WWOX: variants seen among roughly 807,000 people sequenced by gnomAD.
WWOX encodes the protein WW domain containing oxidoreductase.
Under a neutral mutation model 46.2 loss-of-function variants are expected in WWOX, and 69 were observed. The ratio of observed to expected loss-of-function variants is 1.49; its 90% CI spans 1.23 to 1.82. The LOEUF (loss-of-function observed/expected upper bound fraction) is 1.82. Ranked by LOEUF, WWOX falls within the 40% of genes most tolerant of loss-of-function variation. The pLI is 0.00. For missense variants in WWOX, 919 were observed against 542.6 expected (o/e 1.69, Z -6.89); for synonymous variants, 359 against 202.6 (o/e 1.77, Z -6.56).
intron 8 of WWOX, among the ~76,000 whole-genome samples, chr16:79,037,989 G>A (rs141618156): frequency 2.6e-5 from 4 of 151,924 alleles, no homozygotes; most frequent in Admixed American, 2.0e-4. Context: ...GAAAAAGCTC[G>A]TTAACACATG....
At chr16:78,118,045 CTT>C (rs34141728) in intron 4 of WWOX, among the ~76,000 whole-genome samples, 6 of 138,416 alleles carry the variant, frequency 4.3e-5, no homozygotes, top group African/African-American at 7.9e-5. Flanking sequence ...TTCTTTCTTT[CTT>C]TTTTTTTTTT....
intron 8 of WWOX, among the ~76,000 whole-genome samples, chr16:78,733,611 C>G (rs1221997392): frequency 1.3e-5 from 2 of 151,278 alleles, no homozygotes; most frequent in African/African-American, 4.9e-5. Context: ...AAAAATTAGC[C>G]GGGTATGGTG....
At chr16:79,045,543 C>T (rs888622154) in intron 8 of WWOX, among the ~76,000 whole-genome samples, 2 of 152,144 alleles carry the variant, frequency 1.3e-5, no homozygotes, top group Non-Finnish European at 1.5e-5. Flanking sequence ...TTCCTAGTCT[C>T]ATTTTCCCAA....
intron 8 of WWOX, among the ~76,000 whole-genome samples, chr16:78,444,864 A>C (rs1201617496): frequency 6.6e-6 from 1 of 152,062 alleles, no homozygotes; most frequent in African/African-American, 2.4e-5. Context: ...AATATATTTG[A>C]CTTCAGGGAG....
intron 8 of WWOX, among the ~76,000 whole-genome samples, chr16:79,142,004 G>C (rs1338763577): frequency 6.6e-6 from 1 of 152,210 alleles, no homozygotes; most frequent in Non-Finnish European, 1.5e-5. Context: ...AAACTGCTCA[G>C]AAAAGAGCAG....
chr16:78,330,713 C>T (rs142581641), intron 5 of WWOX, among the ~76,000 whole-genome samples: 52 of 152,288 alleles, frequency 3.4e-4, no homozygotes, highest in African/African-American at 1.2e-3. Flanking sequence ...CATTTCTATG[C>T]AACTATATGT....
chr16:79,177,265 C>T (rs1260324335), intron 8 of WWOX, among the ~76,000 whole-genome samples: 1 of 152,190 alleles, frequency 6.6e-6, no homozygotes, highest in Non-Finnish European at 1.5e-5. Context: ...TGAAAAGCGA[C>T]TGTCATTTCT....
At chr16:78,933,634 G>T (rs1253581144) in intron 8 of WWOX, among the ~76,000 whole-genome samples, 1 of 152,134 alleles carries the variant, frequency 6.6e-6, no homozygotes, top group East Asian at 1.9e-4. Flanking sequence ...GAAGTTTATT[G>T]GACTTACAGT....
At chr16:78,406,307 TA>T (rs1475337633) in intron 6 of WWOX, among the ~76,000 whole-genome samples, 1 of 16,406 alleles carries the variant, frequency 6.1e-5, no homozygotes, top group Non-Finnish European at 9.6e-5. Context: ...AATATAAATA[TA>T]TATATATATA....
At chr16:78,141,541 A>G (rs567912435) in intron 4 of WWOX, among the ~76,000 whole-genome samples, 3 of 151,150 alleles carry the variant, frequency 2.0e-5, no homozygotes, top group Non-Finnish European at 2.9e-5. Flanking sequence ...TTTGTGTACA[A>G]TTTTGTAGGG....
chr16:78,969,755 C>A (rs1235044491), intron 8 of WWOX, among the ~76,000 whole-genome samples: 1 of 152,138 alleles, frequency 6.6e-6, no homozygotes, highest in Admixed American at 6.5e-5. Flanking sequence ...ACAAAGGACC[C>A]TATGTTATAT....
intron 8 of WWOX, among the ~76,000 whole-genome samples, chr16:78,876,657 C>T (rs1453549758): frequency 6.6e-6 from 1 of 152,256 alleles, no homozygotes; most frequent in East Asian, 1.9e-4. Flanking sequence ...GGCAGAAGTT[C>T]TGGCTATTAA....
At chr16:78,350,082 T>C (rs887522498) in intron 5 of WWOX, among the ~76,000 whole-genome samples, 3 of 121,170 alleles carry the variant, frequency 2.5e-5, no homozygotes, top group African/African-American at 8.4e-5. Flanking sequence ...TTTGACCATG[T>C]CACTTAAGTT....
In WWOX at chr16:78,816,502, CTTTTTTTTTTTT is replaced by C. The variant is rs55814418; in HGVS notation, c.1056+383769_1056+383780del. On this transcript the variant is annotated intron_variant, in intron 8 of 8. Transcript: ENST00000566780. ...ATCTACCAGACAAGAAGGAGCCACT[CTTTTTTTTTTTT>C]TTTTTTTTTTTTTTTTTTGATACAA... is the stretch of plus-strand genomic sequence containing the variant. Among the ~76,000 whole-genome samples the C allele has an allele frequency of 4.3e-3, 183 of 42,102 alleles. 7 individuals carry two copies. In the South Asian group the frequency reaches 0.16, roughly 37 times the overall value. 27.6% of individuals were successfully genotyped at this position (42,102 alleles called of 152,430 possible). A position where few individuals can be genotyped will look rare whatever the true frequency, so the allele number is the denominator to read the frequency against.
chr16:78,531,712 T>C (rs1273098766), intron 8 of WWOX, among the ~76,000 whole-genome samples: 2 of 151,878 alleles, frequency 1.3e-5, no homozygotes, highest in Non-Finnish European at 2.9e-5. Flanking sequence ...TATTTTGGGA[T>C]TCGGTTTAGG....
intron 8 of WWOX, among the ~76,000 whole-genome samples, chr16:78,790,105 C>T (rs141890062): frequency 2.8e-4 from 42 of 152,150 alleles, no homozygotes; most frequent in African/African-American, 9.6e-4. Context: ...AAATCGAGTA[C>T]TGTTATTGTT....
At chr16:78,222,734 G>A (rs1555505199) in intron 5 of WWOX, among the ~76,000 whole-genome samples, 1 of 152,192 alleles carries the variant, frequency 6.6e-6, no homozygotes, top group Non-Finnish European at 1.5e-5. Context: ...GTTTCTCCAT[G>A]GTGAATTTGT....
chr16:78,458,809 G>T (rs905848122), intron 8 of WWOX, among the ~76,000 whole-genome samples: 2 of 152,052 alleles, frequency 1.3e-5, no homozygotes, highest in East Asian at 3.9e-4. Context: ...TTATCTGTGT[G>T]TGTTGGGGGT....
intron 4 of WWOX, 81 bp downstream of exon 4, chr16:78,115,235 TA>T: frequency 6.5e-7 from 1 of 1,538,812 alleles, no homozygotes; most frequent in Non-Finnish European, 9.0e-7. Flanking sequence ...GAATTTTGTT[TA>T]GTGGTTCTCT....
Sources: gnomAD v4.1 joint callset for allele counts (sites outside exome capture counted in the v4.1 genomes callset) on GRCh38, gnomAD v4.1.1 for gene constraint, MANE v1.5 for transcripts, NCBI Gene and HGNC (gene_info 2026-07-23, HGNC 2026-07-21) for gene names.